The following DOCK4 variants were observed in gnomAD, a reference collection of about 807,000 sequenced individuals.
DOCK4 encodes dedicator of cytokinesis protein 4.
A neutral mutation model predicts 268.1 loss-of-function variants in DOCK4; 97 were observed. The observed-to-expected ratio is 0.36, with a 90% confidence interval of 0.31 to 0.43. DOCK4 has a LOEUF of 0.43. Ranked by LOEUF, DOCK4 falls within the 20% of genes least tolerant of loss-of-function variation. DOCK4 has a pLI of 1.00. For missense variants in DOCK4, 2,145 were observed against 2,455.7 expected (o/e 0.87, Z 2.67); for synonymous variants, 954 against 887.2 (o/e 1.08, Z -1.34).
chr7:112,144,047 TC>T (rs1815190300), intron 1 of DOCK4, among the ~76,000 whole-genome samples: 1 of 152,288 alleles, frequency 6.6e-6, no homozygotes, highest in African/African-American at 2.4e-5. Context: ...ATCTCTGCAA[TC>T]ACAATTTAGG....
intron 1 of DOCK4, among the ~76,000 whole-genome samples, chr7:112,189,895 C>G (rs1819796194): frequency 1.3e-5 from 2 of 151,792 alleles, no homozygotes; most frequent in South Asian, 4.2e-4. Flanking sequence ...TGGGTTTTTT[C>G]AATGGCAATT....
At chr7:112,005,167 A>G (rs1385881209) in intron 1 of DOCK4, among the ~76,000 whole-genome samples, 1 of 152,222 alleles carries the variant, frequency 6.6e-6, no homozygotes, top group Non-Finnish European at 1.5e-5. Context: ...GGAAACTTAT[A>G]ATTTTGCTTC....
At chr7:112,066,687 A>ATGTATGTATGTATGTATGTATGTGTG (rs1807045515) in intron 1 of DOCK4, among the ~76,000 whole-genome samples, 1 of 15,402 alleles carries the variant, frequency 6.5e-5, no homozygotes, top group African/African-American at 3.3e-4. Flanking sequence ...ATATATACAT[A>ATGTATGTATGTATGTATGTATGTGTG]TACATATATA....
At chr7:112,115,858 T>C (rs1586852875) in intron 1 of DOCK4, among the ~76,000 whole-genome samples, 1 of 152,300 alleles carries the variant, frequency 6.6e-6, no homozygotes, top group East Asian at 1.9e-4. Context: ...TTTTTTACTT[T>C]TTGTAGAGAA....
intron 30 of DOCK4, among the ~76,000 whole-genome samples, chr7:111,800,131 G>A (rs1371902138): frequency 6.6e-6 from 1 of 151,546 alleles, no homozygotes; most frequent in Non-Finnish European, 1.5e-5. Flanking sequence ...TTTACTAAAG[G>A]TTGATAATAC....
intron 4 of DOCK4, among the ~76,000 whole-genome samples, chr7:111,996,219 C>A (rs1032418057): frequency 1.3e-5 from 2 of 152,146 alleles, no homozygotes; most frequent in Non-Finnish European, 2.9e-5. Context: ...TCTGAAGACA[C>A]AAGAAAGAAC....
chr7:111,898,067 TATAATCTATTATCCC>T, intron 15 of DOCK4, among the ~76,000 whole-genome samples: 1 of 152,224 alleles, frequency 6.6e-6, no homozygotes, highest in Admixed American at 6.5e-5. Flanking sequence ...CCATATTACC[TATAATCTATTATCCC>T]ATACAGTAGC....
intron 1 of DOCK4, among the ~76,000 whole-genome samples, chr7:112,113,734 A>ATTTTTTTTTTTTTTTTTTTTTTT (rs57672966): frequency 2.0e-5 from 1 of 49,548 alleles, no homozygotes; most frequent in Non-Finnish European, 3.7e-5. Context: ...TACTTGGCTG[A>ATTTTTTTTTTTTTTTTTTTTTTT]TTTTTTTTTT....
intron 4 of DOCK4, among the ~76,000 whole-genome samples, chr7:111,996,860 A>C (rs1050249236): frequency 1.3e-5 from 2 of 152,208 alleles, no homozygotes; most frequent in Non-Finnish European, 2.9e-5. Context: ...ACTTTGAGGG[A>C]TAGACTTTGA....
intron 44 of DOCK4, 101 bp from the exon 45 acceptor site, chr7:111,742,233 T>C (rs1027070867): frequency 2.1e-5 from 26 of 1,218,448 alleles, no homozygotes; most frequent in African/African-American, 3.1e-5. Context: ...GCTTGCATTA[T>C]TGCTAATCCT....
intron 34 of DOCK4, 71 bp downstream of exon 34, chr7:111,783,786 G>GT: frequency 7.7e-7 from 1 of 1,307,130 alleles, no homozygotes; most frequent in East Asian, 2.5e-5. Flanking sequence ...AACGTTGATT[G>GT]TATTCTATTT....
intron 13 of DOCK4, among the ~76,000 whole-genome samples, chr7:111,912,448 G>C: frequency 6.6e-6 from 1 of 152,086 alleles, no homozygotes; most frequent in African/African-American, 2.4e-5. Context: ...TCAAACACAA[G>C]TGAGGTCCTT....
At chr7:111,835,337 A>G (rs979294286) in intron 25 of DOCK4, among the ~76,000 whole-genome samples, 1 of 152,196 alleles carries the variant, frequency 6.6e-6, no homozygotes, top group African/African-American at 2.4e-5. Context: ...CTTTTAAAAA[A>G]TAGTTTTATT....
intron 1 of DOCK4, among the ~76,000 whole-genome samples, chr7:112,020,685 T>TAAAAAA (rs58803593): frequency 5.1e-5 from 6 of 116,862 alleles, no homozygotes; most frequent in African/African-American, 9.7e-5. Context: ...ACCCTAAAAG[T>TAAAAAA]AAAAAAAAAA....
chr7:112,068,339 A>G (rs1019226042), intron 1 of DOCK4, among the ~76,000 whole-genome samples: 2 of 152,182 alleles, frequency 1.3e-5, no homozygotes, highest in Admixed American at 6.5e-5. Flanking sequence ...ATATTTACCC[A>G]GATTGCTTTG....
intron 50 of DOCK4, among the ~76,000 whole-genome samples, chr7:111,736,566 G>C (rs147707094): frequency 6.6e-6 from 1 of 152,242 alleles, no homozygotes; most frequent in East Asian, 1.9e-4. Context: ...TGGGACCACC[G>C]AATCGATCCG....
At position 111,872,303 on chromosome 7, in the gene DOCK4, G is replaced by T; in HGVS notation, c.1892C>A (p.Ser631Tyr). 6.4e-7 allele frequency: 1 copy of T among 1,559,732 alleles called. No individual in the cohort carries two copies. Among genetic ancestry groups the T allele is most frequent in the East Asian group, 2.3e-5 (1 of 42,958 alleles). The change falls in exon 19 of 53, where the codon TCC becomes TAC. Residue 631 changes from serine to tyrosine, a missense_variant. Coordinates refer to ENST00000428084, the MANE Select transcript of DOCK4 (RefSeq NM_001363540.2). Reference sequence around the variant, plus strand: ...AAACACTTTAGACCCATATTTTTGGGAATTTTCATCTAAAATTCCAAATAA... The same window carrying T: ...AAACACTTTAGACCCATATTTTTGGTAATTTTCATCTAAAATTCCAAATAA... Reference protein sequence around the residue: ...DTLFGILDENSQKYGSKVFDS... With the variant: ...DTLFGILDENYQKYGSKVFDS...
chr7:111,870,426 G>A (rs1039647897), intron 20 of DOCK4, among the ~76,000 whole-genome samples: 2 of 150,334 alleles, frequency 1.3e-5, no homozygotes, highest in Non-Finnish European at 2.9e-5. Flanking sequence ...GGTTCAAGCA[G>A]ATTCTTCTGC....
At chr7:111,865,956 T>G (rs1024799085) in intron 22 of DOCK4, among the ~76,000 whole-genome samples, 2 of 152,226 alleles carry the variant, frequency 1.3e-5, no homozygotes, top group Admixed American at 6.5e-5. Flanking sequence ...TAAAAGATCA[T>G]GAAAGCAAAT....
Sources: gnomAD v4.1 joint callset for allele counts (sites outside exome capture counted in the v4.1 genomes callset) on GRCh38, gnomAD v4.1.1 for gene constraint, MANE v1.5 for transcripts, NCBI Gene and HGNC (gene_info 2026-07-23, HGNC 2026-07-21) for gene names.